ZC3H12C: variants seen among roughly 807,000 people sequenced by gnomAD.
ZC3H12C encodes probable ribonuclease ZC3H12C.
Under a neutral mutation model 76.3 loss-of-function variants are expected in ZC3H12C, and 20 were observed. The observed-to-expected ratio is 0.26, with a 90% CI of 0.18 to 0.38. ZC3H12C has a LOEUF of 0.38. ZC3H12C is among the 10% of genes least tolerant of loss of function. The probability of loss-of-function intolerance (pLI) is 1.00; values close to 1 mark genes in which losing one functional copy is unlikely to be tolerated. For missense variants in ZC3H12C, 874 were observed against 1,086.5 expected, an observed-to-expected ratio of 0.80 and a Z score of 2.75; for synonymous variants, 352 against 399.6, an observed-to-expected ratio of 0.88 and a Z score of 1.42.
At chr11:110,117,707 TATATATACACACACACA>T (rs1861555297) in intron 1 of ZC3H12C, among the ~76,000 whole-genome samples, 4 of 14,040 alleles carry the variant, frequency 2.8e-4, no homozygotes, top group South Asian at 2.1e-3. Flanking sequence ...ATATATATTA[TATATATACACACACACA>T]TATATATATA....
intron 2 of ZC3H12C, among the ~76,000 whole-genome samples, chr11:110,140,441 A>G (rs1862048998): frequency 6.6e-6 from 1 of 152,190 alleles, no homozygotes; most frequent in Non-Finnish European, 1.5e-5. Flanking sequence ...AAATCTCCAT[A>G]TCCCATTTCA....
chr11:110,113,337 AATG>A (rs1371808988), intron 1 of ZC3H12C, among the ~76,000 whole-genome samples: 2 of 152,166 alleles, frequency 1.3e-5, no homozygotes, highest in African/African-American at 2.4e-5. Flanking sequence ...CACCCATAGA[AATG>A]ATGTTTCCCT....
At chr11:110,163,771 G>A (rs1862523777) in intron 5 of ZC3H12C, among the ~76,000 whole-genome samples, 1 of 152,164 alleles carries the variant, frequency 6.6e-6, no homozygotes, top group South Asian at 2.1e-4. Context: ...ACAAGAGGCA[G>A]GTAGGAGTTG....
At chr11:110,148,217 GT>G (rs1297876879) in intron 2 of ZC3H12C, among the ~76,000 whole-genome samples, 1 of 152,180 alleles carries the variant, frequency 6.6e-6, no homozygotes, top group Non-Finnish European at 1.5e-5. Flanking sequence ...TTTGAGTGGG[GT>G]TTTTCTGAGA....
At chr11:110,138,924 G>C (rs55803217) in intron 2 of ZC3H12C, among the ~76,000 whole-genome samples, 33,075 of 152,066 alleles carry the variant, frequency 0.22, 3,690 homozygotes, top group Middle Eastern at 0.34. Flanking sequence ...TCTCAATTTA[G>C]AATAGCCATA....
chr11:110,097,150 A>T (rs1258093038), intron 1 of ZC3H12C, among the ~76,000 whole-genome samples: 1 of 152,222 alleles, frequency 6.6e-6, no homozygotes, highest in Non-Finnish European at 1.5e-5. Flanking sequence ...CTGTTTAATT[A>T]TTCTTAGCAT....
chr11:110,137,100 G>T lies in ZC3H12C; in HGVS notation c.459G>T (p.Lys153Asn). 1 of 1,613,848 alleles carries T rather than the reference G, an allele frequency of 6.2e-7. No homozygotes were observed. The highest frequency in any genetic ancestry group is 8.5e-7 in the Non-Finnish European group (1 of 1,179,846). Residue 153 changes from lysine to asparagine, a missense_variant, in exon 2 of 6, where the codon AAG (lysine) becomes AAT (asparagine). Physicochemically the swap from Lys to Asn is moderately conservative, Grantham distance 94. This residue lies in a region of ZC3H12C where 210 missense variants were observed against 227.1 expected (regional missense o/e 0.92). Coordinates refer to ENST00000278590, the MANE Select transcript of ZC3H12C (RefSeq NM_033390.2). ...EESQTTSKEAKKPPDVVREYQ... is the reference protein window; with the variant it reads ...EESQTTSKEANKPPDVVREYQ... Reference sequence around the variant, plus strand: ...CCCAGACTACATCCAAGGAAGCAAAGAAACCACCTGATGTGGTGCGAGAAT... The same window carrying T: ...CCCAGACTACATCCAAGGAAGCAAATAAACCACCTGATGTGGTGCGAGAAT...
chr11:110,124,232 A>T (rs985056239), intron 1 of ZC3H12C: 1 of 152,236 alleles, frequency 6.6e-6, no homozygotes, highest in Admixed American at 6.5e-5. Flanking sequence ...CAGGGCTACA[A>T]GAACTTTGCC....
intron 1 of ZC3H12C, among the ~76,000 whole-genome samples, chr11:110,129,882 A>C (rs77341028): frequency 0.011 from 1,731 of 152,236 alleles, 31 homozygotes; most frequent in African/African-American, 0.038. Context: ...CCACAAAAGC[A>C]AGTAGTACAT....
chr11:110,121,139 A>G (rs1301502913), intron 1 of ZC3H12C, among the ~76,000 whole-genome samples: 1 of 152,252 alleles, frequency 6.6e-6, no homozygotes, highest in Non-Finnish European at 1.5e-5. Flanking sequence ...GGTGATATCA[A>G]TGTATATCTA....
intron 1 of ZC3H12C, among the ~76,000 whole-genome samples, chr11:110,096,256 A>T (rs549173735): frequency 1.3e-5 from 2 of 152,320 alleles, no homozygotes; most frequent in East Asian, 1.9e-4. Flanking sequence ...TTTGTTTAAA[A>T]TTTTTGTAGG....
intron 1 of ZC3H12C, among the ~76,000 whole-genome samples, chr11:110,128,737 T>C (rs945568134): frequency 6.6e-6 from 1 of 152,094 alleles, no homozygotes; most frequent in Non-Finnish European, 1.5e-5. Context: ...TGGATATATG[T>C]TACGTTTTTC....
At chr11:110,150,622 A>AT (rs1196110318) in intron 2 of ZC3H12C, among the ~76,000 whole-genome samples, 2 of 152,056 alleles carry the variant, frequency 1.3e-5, no homozygotes, top group Non-Finnish European at 2.9e-5. Context: ...AAGTTTTCAT[A>AT]TTTTTTGAAA....
At chr11:110,131,023 TG>T in intron 1 of ZC3H12C, 1 of 1,535,566 alleles carries the variant, frequency 6.5e-7, no homozygotes, top group Admixed American at 2.0e-5. Flanking sequence ...CTTGCCTGCC[TG>T]GAAGTCTGCA....
Position 110,165,362 on chromosome 11 carries a change from T to G in ZC3H12C, c.2277T>G (p.Ser759Arg), listed in dbSNP as rs753645595. Residue 759 changes from serine to arginine, a missense_variant, in exon 6 of 6, where the codon AGT becomes AGG. By Grantham distance (110) the Ser-to-Arg change is moderately radical. Transcript: ENST00000278590. The stretch of plus-strand genomic sequence containing the variant: ...TCTCTGACTCTCGACTTTATGACAG[T>G]TCTCCTTCACGACAAAGAAAGCCTT... ...DSISDSRLYD[S>R]SPSRQRKPYS... The G allele has an allele frequency of 3.7e-6, 6 of 1,613,846 alleles. No individual in the cohort carries two copies. The African/African-American group carries it at 5.3e-5, about 14-fold the overall frequency.
In ZC3H12C at chr11:110,106,085, G is replaced by A. The variant is rs868644151; in HGVS notation, c.21+12653G>A. On this transcript the variant is annotated intron_variant, in intron 1 of 5. Coordinates refer to ENST00000278590, the MANE Select transcript of ZC3H12C (RefSeq NM_033390.2). ...AGATCGAGACCATCCTGACTAACAC[G>A]GTGAAACCCCGTCTCTACTAAAAAT... Among the ~76,000 whole-genome samples, 26 of 70,492 alleles carry A rather than the reference G, an allele frequency of 3.7e-4. 10 individuals carry two copies. Among genetic ancestry groups the A allele is most frequent in the Middle Eastern group, 0.013 (2 of 150 alleles). 46.2% of individuals were successfully genotyped at this position (70,492 alleles called of 152,430 possible). A position where few individuals can be genotyped will look rare whatever the true frequency, so the allele number is the denominator to read the frequency against.
chr11:110,126,433 T>C (rs1353201489), intron 1 of ZC3H12C, among the ~76,000 whole-genome samples: 1 of 152,076 alleles, frequency 6.6e-6, no homozygotes, highest in Non-Finnish European at 1.5e-5. Context: ...TTGCCTGGGC[T>C]GGTCTTTAAC....
At chr11:110,093,473 G>C in intron 1 of ZC3H12C, 41 bp downstream of exon 1, 4 of 1,192,278 alleles carry the variant, frequency 3.4e-6, no homozygotes, top group Non-Finnish European at 4.2e-6. Context: ...GGACCGCGGC[G>C]AGAGTGGTCC....
intron 1 of ZC3H12C, among the ~76,000 whole-genome samples, chr11:110,109,307 C>T (rs1286873362): frequency 6.6e-6 from 1 of 152,096 alleles, no homozygotes; most frequent in Non-Finnish European, 1.5e-5. Flanking sequence ...CTTAATAAAG[C>T]TCTCATTCCT....
Sources: allele counts gnomAD v4.1 joint callset (sites outside exome capture counted in the v4.1 genomes callset), GRCh38; gene constraint gnomAD v4.1.1; regional missense constraint gnomAD v4.1.1; transcripts MANE v1.5; gene names NCBI Gene and HGNC (gene_info 2026-07-23, HGNC 2026-07-21).